CHST13: variants seen among roughly 807,000 people sequenced by gnomAD.
CHST13 encodes the protein C4ST-3.
In CHST13, 1 loss-of-function variant was observed where a neutral mutation model predicts 7.0. The observed-to-expected ratio is 0.14, with a 90% confidence interval of 0.05 to 0.68. CHST13 has a LOEUF of 0.68. Ranked by LOEUF, CHST13 falls within the 30% of genes least tolerant of loss-of-function variation. The pLI, the probability that CHST13 is intolerant of heterozygous loss-of-function variation, is 0.82. For synonymous variants in CHST13, 257 were observed against 240.9 expected, an observed-to-expected ratio of 1.07 and a Z score of -0.62; for missense variants, 572 against 507.9, an observed-to-expected ratio of 1.13 and a Z score of -1.21.
At chr3:126,534,839 A>C (rs950899446) in intron 1 of CHST13, among the ~76,000 whole-genome samples, 3 of 149,168 alleles carry the variant, frequency 2.0e-5, no homozygotes, top group Admixed American at 1.3e-4. Context: ...ATACACAGAG[A>C]GCATCCCTGT....
At chr3:126,539,286 T>C (rs887350800) in intron 2 of CHST13, among the ~76,000 whole-genome samples, 1 of 152,144 alleles carries the variant, frequency 6.6e-6, no homozygotes, top group Non-Finnish European at 1.5e-5. Context: ...CCACCCTTTG[T>C]GAAACGTTTT....
Position 126,524,225 on chromosome 3 carries a change from C to A in CHST13, c.-108C>A. ...CCGTGCTCCCCTGCCCTGCGCCGCG[C>A]CGCGCGTCTTGGTAGGCGCTGCGCT... On this transcript the variant is annotated 5_prime_UTR_variant, in exon 1 of 3. Transcript: ENST00000319340. 1.1e-6 allele frequency: 1 copy of A among 897,522 alleles called. No individual in the cohort carries two copies. The highest frequency in any genetic ancestry group is 1.4e-6 in the Non-Finnish European group (1 of 695,378). The allele number at this position is 897,522 out of a possible 1,614,324, so 55.6% of individuals were successfully genotyped here.
chr3:126,528,352 A>G lies in CHST13; in HGVS notation c.97+3923A>G, dbSNP rs143788260. On this transcript the variant is annotated intron_variant, in intron 1 of 2. Transcript: ENST00000319340. Reference sequence around the variant, plus strand: ...AAAAGCAAAAAGTCCCCTTCCATGTAGATCTGACCTTCCAGAGTGATCAAC... The same window carrying G: ...AAAAGCAAAAAGTCCCCTTCCATGTGGATCTGACCTTCCAGAGTGATCAAC... Among the ~76,000 whole-genome samples, 525 of 152,268 alleles carry G rather than the reference A, an allele frequency of 3.4e-3. 1 individual carries two copies. The highest frequency in any genetic ancestry group is 0.011 in the African/African-American group (470 of 41,566).
intron 1 of CHST13, among the ~76,000 whole-genome samples, 165 bp downstream of exon 1, chr3:126,524,594 G>T (rs1472113367): frequency 6.6e-6 from 1 of 152,232 alleles, no homozygotes; most frequent in Non-Finnish European, 1.5e-5. Context: ...AAAGGCTCTA[G>T]ACGCCCCCGC....
chr3:126,539,430 C>T (rs371541387), intron 2 of CHST13, among the ~76,000 whole-genome samples: 2 of 151,824 alleles, frequency 1.3e-5, no homozygotes, highest in South Asian at 4.1e-4. Flanking sequence ...TGTGCAGGAG[C>T]GTACATGGAC....
At chr3:126,533,340 A>G (rs527307456) in intron 1 of CHST13, among the ~76,000 whole-genome samples, 9 of 152,234 alleles carry the variant, frequency 5.9e-5, no homozygotes, top group African/African-American at 2.2e-4. Flanking sequence ...GTCTTTCACT[A>G]TTAAGTTATC....
chr3:126,535,962 G>C (rs1194514821), intron 1 of CHST13, among the ~76,000 whole-genome samples: 1 of 152,226 alleles, frequency 6.6e-6, no homozygotes, highest in Non-Finnish European at 1.5e-5. Context: ...TGGGTGATCT[G>C]GCCTTTCCTA....
chr3:126,527,916 T>C (rs1055820586), intron 1 of CHST13: 3 of 152,078 alleles, frequency 2.0e-5, no homozygotes, highest in Non-Finnish European at 4.4e-5. Flanking sequence ...GGAAGTTACT[T>C]GCTCAAGTCA....
At chr3:126,538,307 G>T (rs888365841) in intron 2 of CHST13, among the ~76,000 whole-genome samples, 2 of 152,230 alleles carry the variant, frequency 1.3e-5, no homozygotes, top group Admixed American at 1.3e-4. Context: ...TAAGAGGACT[G>T]CCAGGGCTGC....
intron 1 of CHST13, among the ~76,000 whole-genome samples, chr3:126,534,671 C>T (rs1936727331): frequency 6.8e-6 from 1 of 146,820 alleles, no homozygotes; most frequent in South Asian, 2.2e-4. Flanking sequence ...CATTGCTGTC[C>T]TCAGCCGGGA....
chr3:126,540,678 C>T (rs1482754507), intron 2 of CHST13, among the ~76,000 whole-genome samples: 1 of 152,206 alleles, frequency 6.6e-6, no homozygotes, highest in Non-Finnish European at 1.5e-5. Flanking sequence ...GTGCTATGAA[C>T]TTCATGGACA....
In CHST13 at chr3:126,542,501, C is replaced by A. The variant is rs767904337; in HGVS notation, c.949C>A (p.Arg317=). ...LFRDISPFYQ[R]RLFDLYKMDF... is the part of the protein sequence containing the mutation. ...CCGGGACATCAGCCCCTTCTACCAG[C>A]GGCGCCTCTTCGACCTCTACAAGAT... The change falls in exon 3 of 3, where the codon CGG becomes AGG. Residue 317 remains arginine, a synonymous_variant. Coordinates refer to ENST00000319340, the MANE Select transcript of CHST13 (RefSeq NM_152889.3). 1.2e-5 allele frequency: 19 copies of A among 1,576,054 alleles called. No homozygotes were observed. The highest frequency in any genetic ancestry group is 1.5e-5 in the Non-Finnish European group (17 of 1,166,240).
rs770408862 is a variant in CHST13 at position 126,541,767 on chromosome 3, A to G, written c.215A>G (p.Gln72Arg). The G allele has an allele frequency of 1.4e-5, 21 of 1,515,584 alleles. No individual in the cohort carries two copies. In the East Asian group the frequency reaches 5.4e-4, roughly 39 times the overall value. The allele number at this position is 1,515,584 out of a possible 1,614,324, so 93.9% of individuals were successfully genotyped here. The change falls in exon 3 of 3, where the codon CAG becomes CGG. Residue 72 changes from glutamine to arginine, a missense_variant. Coordinates refer to ENST00000319340, the MANE Select transcript of CHST13 (RefSeq NM_152889.3). ...TCGACCCTGGCGAAGGTGCACCGGC[A>G]GCGGCGCGACCTGCTGAACAGCGCC... The part of the protein sequence containing the change: ...PRSTLAKVHR[Q>R]RRDLLNSACS...
chr3:126,541,211 A>G (rs767779817), intron 2 of CHST13, among the ~76,000 whole-genome samples: 3 of 152,188 alleles, frequency 2.0e-5, no homozygotes, highest in Non-Finnish European at 4.4e-5. Context: ...CAGCGCTGAG[A>G]TAAGAATTTG....
chr3:126,528,537 C>T (rs981227498), intron 1 of CHST13, among the ~76,000 whole-genome samples: 7 of 151,992 alleles, frequency 4.6e-5, no homozygotes, highest in African/African-American at 1.7e-4. Flanking sequence ...CAAGGTGGGG[C>T]GAGGAGAAAT....
Position 126,542,674 on chromosome 3 carries a change from G to A in CHST13, c.*96G>A. On this transcript the variant is annotated 3_prime_UTR_variant, in exon 3 of 3. Transcript: ENST00000319340. The stretch of plus-strand genomic sequence containing the variant: ...TGCCGGCCCCAGGACCCCTCTTCAA[G>A]AGCCACTGCGTGCACTCACCTGGCC... 2.2e-6 allele frequency: 3 copies of A among 1,374,898 alleles called. No individual in the cohort carries two copies. Among genetic ancestry groups the A allele is most frequent in the Non-Finnish European group, 2.8e-6 (3 of 1,063,940 alleles). The allele number at this position is 1,374,898 out of a possible 1,614,324, so 85.2% of individuals were successfully genotyped here.
At chr3:126,534,166 C>T (rs112793996) in intron 1 of CHST13, among the ~76,000 whole-genome samples, 11 of 152,200 alleles carry the variant, frequency 7.2e-5, no homozygotes, top group African/African-American at 2.6e-4. Context: ...TTTCAAAGAT[C>T]GCCTAACACC....
At chr3:126,533,510 T>C (rs1363217355) in intron 1 of CHST13, among the ~76,000 whole-genome samples, 1 of 152,226 alleles carries the variant, frequency 6.6e-6, no homozygotes, top group Non-Finnish European at 1.5e-5. Context: ...ATTCTATTAA[T>C]ACAGTGTATT....
Position 126,540,014 on chromosome 3 carries a change from G to A in CHST13, c.181-1719G>A, listed in dbSNP as rs111317282. ...ACACACACACACAAATGCCACACAC[G>A]CATGCCACACACACGCACACCACAC... On this transcript the variant is annotated intron_variant, in intron 2 of 2. Coordinates refer to ENST00000319340, the MANE Select transcript of CHST13 (RefSeq NM_152889.3). Among the ~76,000 whole-genome samples the A allele has an allele frequency of 1.6e-3, 191 of 118,216 alleles. 1 individual carries two copies. In the Middle Eastern group the frequency reaches 0.018, roughly 11 times the overall value. 77.6% of individuals were successfully genotyped at this position (118,216 alleles called of 152,430 possible). A position where few individuals can be genotyped will look rare whatever the true frequency, so the allele number is the denominator to read the frequency against.
Sources: allele counts gnomAD v4.1 joint callset (sites outside exome capture counted in the v4.1 genomes callset), GRCh38; gene constraint gnomAD v4.1.1; transcripts MANE v1.5; gene names NCBI Gene and HGNC (gene_info 2026-07-23, HGNC 2026-07-21).